The following RAD51B variants were observed in gnomAD, a reference collection of about 807,000 sequenced individuals.
RAD51B encodes the protein DNA repair protein RAD51 homolog 2.
In RAD51B, 38 loss-of-function variants were observed where a neutral mutation model predicts 42.2. That is an observed-to-expected ratio of 0.90 (90% CI 0.70 to 1.18). The LOEUF (loss-of-function observed/expected upper bound fraction) is 1.18, where lower values mean the gene tolerates loss of function less well. Among genes scored for constraint, RAD51B ranks in the 50% most tolerant of loss-of-function variants. The probability of loss-of-function intolerance (pLI) is 0.00; values close to 1 mark genes in which losing one functional copy is unlikely to be tolerated. For missense variants in RAD51B, 373 were observed against 400.7 expected (o/e 0.93, Z 0.59); for synonymous variants, 154 against 145.2 (o/e 1.06, Z -0.43).
intron 9 of RAD51B, chr14:68,422,074 A>G (rs2084714537): frequency 1.3e-6 from 2 of 1,522,386 alleles, no homozygotes; most frequent in East Asian, 4.5e-5. Flanking sequence ...CTTTCTCTCC[A>G]GTGCTCGGAG....
chr14:67,840,848 G>C (rs1278417720), intron 4 of RAD51B, among the ~76,000 whole-genome samples: 1 of 150,786 alleles, frequency 6.6e-6, no homozygotes, highest in African/African-American at 2.4e-5. Flanking sequence ...CTGTTGCCCA[G>C]CCCGGAGGGC....
chr14:67,876,810 G>GA (rs1387671246), intron 5 of RAD51B, among the ~76,000 whole-genome samples: 2 of 152,148 alleles, frequency 1.3e-5, no homozygotes, highest in African/African-American at 2.4e-5. Context: ...GGGAAGTTGG[G>GA]AAGTCGGTGG....
chr14:68,440,849 G>A (rs2085270047), intron 9 of RAD51B, among the ~76,000 whole-genome samples: 1 of 152,196 alleles, frequency 6.6e-6, no homozygotes, highest in East Asian at 1.9e-4. Flanking sequence ...TAATACTACA[G>A]GGAACAGCTG....
intron 10 of RAD51B, among the ~76,000 whole-genome samples, chr14:68,585,965 T>C: frequency 6.6e-6 from 1 of 152,142 alleles, no homozygotes; most frequent in East Asian, 1.9e-4. Context: ...AGGCAACGGC[T>C]CATCTGCTGC....
At chr14:68,134,694 T>C (rs2077972169) in intron 7 of RAD51B, among the ~76,000 whole-genome samples, 1 of 152,180 alleles carries the variant, frequency 6.6e-6, no homozygotes, top group African/African-American at 2.4e-5. Context: ...CATATTTTCA[T>C]GTGTTTACTT....
chr14:67,961,117 C>T (rs1048909765), intron 7 of RAD51B, among the ~76,000 whole-genome samples: 2 of 152,096 alleles, frequency 1.3e-5, no homozygotes, highest in African/African-American at 4.8e-5. Context: ...AGTGATTCTC[C>T]CACCTCAACC....
intron 7 of RAD51B, among the ~76,000 whole-genome samples, chr14:68,013,057 C>G (rs1172882536): frequency 6.6e-6 from 1 of 152,088 alleles, no homozygotes; most frequent in African/African-American, 2.4e-5. Context: ...CAGGGCACAG[C>G]AGGAATGGCT....
intron 7 of RAD51B, among the ~76,000 whole-genome samples, chr14:68,163,367 C>G (rs1242887135): frequency 6.6e-6 from 1 of 152,156 alleles, no homozygotes; most frequent in African/African-American, 2.4e-5. Context: ...TTATCAGACC[C>G]AACCCAGATC....
Position 68,676,530 on chromosome 14 carries a change from G to A in RAD51B, c.*11+25674G>A, listed in dbSNP as rs1893305973. ...TTGTAGTTCTGGAAACTAAAGCCGGGGAGTTAGGGCTACGTGACATGCCTG... is the reference window on the plus strand; with the variant it reads ...TTGTAGTTCTGGAAACTAAAGCCGGAGAGTTAGGGCTACGTGACATGCCTG... On this transcript the variant is annotated intron_variant, in intron 11 of 11. Transcript: ENST00000488612. Among the ~76,000 whole-genome samples the A allele has an allele frequency of 2.0e-5, 3 of 152,328 alleles. No individual in the cohort carries two copies. The South Asian group carries it at 6.2e-4, about 32-fold the overall frequency.
intron 7 of RAD51B, among the ~76,000 whole-genome samples, chr14:68,141,663 G>C (rs2078131177): frequency 6.6e-6 from 1 of 152,106 alleles, no homozygotes; most frequent in South Asian, 2.1e-4. Flanking sequence ...TTGATATTCA[G>C]TATGTTTGGT....
chr14:67,859,350 G>A (rs555047084), intron 4 of RAD51B, among the ~76,000 whole-genome samples: 1 of 152,330 alleles, frequency 6.6e-6, no homozygotes, highest in South Asian at 2.1e-4. Context: ...GTGGAAGTGA[G>A]CCACACACAT....
chr14:68,195,851 T>G (rs1363155706), intron 7 of RAD51B, among the ~76,000 whole-genome samples: 1 of 130,418 alleles, frequency 7.7e-6, no homozygotes, highest in Non-Finnish European at 1.6e-5. Flanking sequence ...GAGGTTGTGG[T>G]GAGCCGAGAT....
chr14:68,226,242 T>C (rs938099004), intron 7 of RAD51B, among the ~76,000 whole-genome samples: 8 of 152,190 alleles, frequency 5.3e-5, no homozygotes, highest in Non-Finnish European at 1.0e-4. Flanking sequence ...ATCTATAAAA[T>C]GAGGGAGCCA....
At chr14:68,361,682 CTGTT>C (rs1446621718) in intron 8 of RAD51B, among the ~76,000 whole-genome samples, 1 of 151,896 alleles carries the variant, frequency 6.6e-6, no homozygotes, top group East Asian at 1.9e-4. Context: ...TTTTGTTTGT[CTGTT>C]TGTTTTTGAG....
intron 11 of RAD51B, among the ~76,000 whole-genome samples, chr14:68,679,175 G>C (rs1401428263): frequency 2.0e-5 from 3 of 152,220 alleles, no homozygotes; most frequent in African/African-American, 7.2e-5. Context: ...CCGAGCACCA[G>C]GTCCTTTGCA....
chr14:68,613,706 G>A (rs948954619), downstream of RAD51B, among the ~76,000 whole-genome samples: 4 of 152,040 alleles, frequency 2.6e-5, no homozygotes, highest in African/African-American at 7.2e-5. Flanking sequence ...CACCCGCCTT[G>A]ACCTCCCAAA....
In RAD51B at chr14:68,302,771, G is replaced by A. The variant is rs964981843; in HGVS notation, c.853+10791G>A. ...CAAATTAAAGGAATAGGTTGGGCTA[G>A]TTAACTGCAGCAGGAGCATATCCTT... On this transcript the variant is annotated intron_variant, in intron 8 of 10. Transcript: ENST00000471583. Among the ~76,000 whole-genome samples the A allele has an allele frequency of 2.0e-5, 3 of 152,260 alleles. No homozygotes were observed. In the East Asian group the frequency reaches 5.8e-4, roughly 29 times the overall value.
At chr14:68,652,859 T>C (rs1364706482) in intron 11 of RAD51B, among the ~76,000 whole-genome samples, 1 of 152,248 alleles carries the variant, frequency 6.6e-6, no homozygotes, top group Admixed American at 6.5e-5. Context: ...TCCTCTGTCC[T>C]GCTAAGGGTT....
chr14:68,539,687 G>A (rs1887847770), intron 10 of RAD51B, among the ~76,000 whole-genome samples: 1 of 152,258 alleles, frequency 6.6e-6, no homozygotes, highest in Non-Finnish European at 1.5e-5. Flanking sequence ...AATGCACACA[G>A]TGGCCCATGA....
Sources: allele counts gnomAD v4.1 joint callset (sites outside exome capture counted in the v4.1 genomes callset), GRCh38; gene constraint gnomAD v4.1.1; transcripts MANE v1.5; gene names NCBI Gene and HGNC (gene_info 2026-07-23, HGNC 2026-07-21).